ADARB2: variants seen among roughly 807,000 people sequenced by gnomAD.
The protein encoded by ADARB2 is adenosine deaminase RNA specific B2 (inactive).
Under a neutral mutation model 62.2 loss-of-function variants are expected in ADARB2, and 25 were observed. The observed-to-expected ratio is 0.40, with a 90% CI of 0.29 to 0.56. The LOEUF (loss-of-function observed/expected upper bound fraction) is 0.56, where lower values mean the gene tolerates loss of function less well. Ranked by LOEUF, ADARB2 falls within the 20% of genes least tolerant of loss-of-function variation. The probability of loss-of-function intolerance (pLI) is 0.43; values close to 1 mark genes in which losing one functional copy is unlikely to be tolerated. For missense variants in ADARB2, 1,071 were observed against 1,077.4 expected (o/e 0.99, Z 0.08); for synonymous variants, 572 against 500.8 (o/e 1.14, Z -1.90).
intron 1 of ADARB2, among the ~76,000 whole-genome samples, chr10:1,689,633 T>C (rs1185828855): frequency 6.6e-6 from 1 of 152,214 alleles, no homozygotes; most frequent in African/African-American, 2.4e-5. Flanking sequence ...AAATATTCCA[T>C]TGTGATGGTG....
intron 3 of ADARB2, among the ~76,000 whole-genome samples, chr10:1,279,169 T>C (rs890599635): frequency 6.6e-6 from 1 of 152,198 alleles, no homozygotes; most frequent in Non-Finnish European, 1.5e-5. Flanking sequence ...AAGCCCAAGA[T>C]GATGGTGTCG....
At chr10:1,627,613 T>C (rs1292031334) in intron 1 of ADARB2, among the ~76,000 whole-genome samples, 3 of 152,338 alleles carry the variant, frequency 2.0e-5, no homozygotes, top group East Asian at 3.9e-4. Context: ...AGATTTCTAA[T>C]GGAATTAACT....
chr10:1,185,019 G>A lies in ADARB2; in HGVS notation c.1885C>T (p.Arg629Cys), dbSNP rs141253548. Residue 629 changes from arginine to cysteine, a missense_variant, in exon 9 of 10, where the codon CGC becomes TGC. Coordinates refer to ENST00000381312, the MANE Select transcript of ADARB2 (RefSeq NM_018702.4). ...AAGGGGGGCGACTTCCCCGGCTGGC[G>A]CGCCTCGGCGTCACTCACGCCTGTC... ...LLSGVSDAEA[R>C]QPGKSPPFSM... The A allele has an allele frequency of 6.4e-4, 1,031 of 1,612,828 alleles. 2 individuals are homozygous for A. Among genetic ancestry groups the A allele is most frequent in the Middle Eastern group, 1.0e-3 (6 of 5,758 alleles).
At chr10:1,605,997 C>T (rs921112003) in intron 1 of ADARB2, among the ~76,000 whole-genome samples, 12 of 152,178 alleles carry the variant, frequency 7.9e-5, no homozygotes, top group African/African-American at 1.4e-4. Flanking sequence ...CTAGTGATCA[C>T]GATGTTTACC....
intron 1 of ADARB2, among the ~76,000 whole-genome samples, chr10:1,503,620 T>C (rs565313617): frequency 6.6e-6 from 1 of 152,156 alleles, no homozygotes; most frequent in Admixed American, 6.5e-5. Context: ...TGTGTCCCCA[T>C]CCACATCTCA....
intron 6 of ADARB2, among the ~76,000 whole-genome samples, chr10:1,232,841 T>C (rs968101627): frequency 1.3e-5 from 2 of 151,428 alleles, no homozygotes; most frequent in Non-Finnish European, 2.9e-5. Context: ...GGTATGTGTG[T>C]GGTATATGTG....
chr10:1,322,189 G>A (rs1831801766), intron 3 of ADARB2, among the ~76,000 whole-genome samples: 1 of 152,166 alleles, frequency 6.6e-6, no homozygotes. Flanking sequence ...TGGGAGAGAT[G>A]GATATAATTT....
At chr10:1,233,223 G>A (rs936512803) in intron 6 of ADARB2, among the ~76,000 whole-genome samples, 10 of 152,276 alleles carry the variant, frequency 6.6e-5, no homozygotes, top group Non-Finnish European at 1.2e-4. Context: ...CTCACAGGGC[G>A]GGTTTGCAGT....
At position 1,177,639 on chromosome 10, in the gene ADARB2, C is replaced by G. The variant is rs537528255; in HGVS notation, c.*5554G>C. The G allele has an allele frequency of 2.0e-5, 3 of 151,956 alleles. No homozygotes were observed. The highest frequency in any genetic ancestry group is 1.3e-4 in the Admixed American group (2 of 15,282). The allele number at this position is 151,956 out of a possible 1,614,324, so 9.4% of individuals were successfully genotyped here. On this transcript the variant is annotated 3_prime_UTR_variant, in exon 10 of 10. Transcript: ENST00000381312. ...ACTGCAGAGAGATAGAAATCTAGGG[C>G]CTGTGTGAAAAGAGGCACTGGGACC...
chr10:1,651,841 TC>T (rs894949465), intron 1 of ADARB2, among the ~76,000 whole-genome samples: 2 of 17,352 alleles, frequency 1.2e-4, no homozygotes, highest in Admixed American at 3.8e-4. Context: ...AGGGCTCTTC[TC>T]ACCCCCACAC....
intron 1 of ADARB2, among the ~76,000 whole-genome samples, chr10:1,531,651 A>T (rs1358588018): frequency 6.6e-6 from 1 of 152,172 alleles, no homozygotes; most frequent in Non-Finnish European, 1.5e-5. Context: ...ATCCTGGCCA[A>T]CATGATGAAA....
At chr10:1,377,435 G>A (rs1423836351) in intron 2 of ADARB2, among the ~76,000 whole-genome samples, 1 of 143,426 alleles carries the variant, frequency 7.0e-6, no homozygotes, top group Non-Finnish European at 1.5e-5. Flanking sequence ...CCTGGTGTAT[G>A]CTCCTGGGGT....
chr10:1,208,943 G>A (rs575926072), intron 7 of ADARB2, among the ~76,000 whole-genome samples: 31 of 152,328 alleles, frequency 2.0e-4, no homozygotes, highest in African/African-American at 7.5e-4. Flanking sequence ...TGCTGTCAGG[G>A]CACTGAGGCA....
intron 1 of ADARB2, among the ~76,000 whole-genome samples, chr10:1,508,596 A>G (rs1368720321): frequency 2.6e-5 from 4 of 152,230 alleles, no homozygotes; most frequent in African/African-American, 9.6e-5. Context: ...CCCAGCCAAC[A>G]TGGTGAAACC....
Position 1,571,746 on chromosome 10 carries a change from G to A in ADARB2, c.100+165305C>T, listed in dbSNP as rs185196163. On this transcript the variant is annotated intron_variant, in intron 1 of 9. Transcript: ENST00000381312. The stretch of plus-strand genomic sequence containing the variant: ...GGTGAGTGTGCAGGTGAATGGACAG[G>A]TGAGTGTGCAGGTGAGTGGACAGGT... Among the ~76,000 whole-genome samples, 365 of 150,480 alleles carry A rather than the reference G, an allele frequency of 2.4e-3. 2 individuals are homozygous for A. Among genetic ancestry groups the A allele is most frequent in the African/African-American group, 8.6e-3 (353 of 40,872 alleles).
chr10:1,382,131 A>G (rs1045670042), intron 1 of ADARB2, among the ~76,000 whole-genome samples: 5 of 151,000 alleles, frequency 3.3e-5, no homozygotes, highest in African/African-American at 1.2e-4. Context: ...TGTCAAATAA[A>G]CATTTTAAAA....
chr10:1,185,175 T>G, intron 8 of ADARB2, 136 bp from the exon 9 acceptor site: 2 of 1,175,520 alleles, frequency 1.7e-6, no homozygotes, highest in Non-Finnish European at 2.3e-6. Context: ...GACTGGCCAG[T>G]TCACGTGTCA....
At chr10:1,391,085 A>G in intron 1 of ADARB2, among the ~76,000 whole-genome samples, 1 of 152,188 alleles carries the variant, frequency 6.6e-6, no homozygotes, top group Non-Finnish European at 1.5e-5. Flanking sequence ...GAAATAGCTC[A>G]TTTTGTCTGT....
intron 1 of ADARB2, among the ~76,000 whole-genome samples, chr10:1,599,015 C>A (rs1833374714): frequency 6.6e-6 from 1 of 152,240 alleles, no homozygotes; most frequent in South Asian, 2.1e-4. Context: ...TGTTACCATG[C>A]AGCCCAGTAT....
Sources: gnomAD v4.1 joint callset for allele counts (sites outside exome capture counted in the v4.1 genomes callset) on GRCh38, gnomAD v4.1.1 for gene constraint, MANE v1.5 for transcripts, NCBI Gene and HGNC (gene_info 2026-07-23, HGNC 2026-07-21) for gene names.